Variants in MAP3K5 observed in about 807,000 individuals in gnomAD.
MAP3K5 encodes the protein mitogen-activated protein kinase kinase kinase 5, also known as ASK-1.
In MAP3K5, 56 loss-of-function variants were observed where a neutral mutation model predicts 158.7. That is an observed-to-expected ratio of 0.35 (90% CI 0.28 to 0.44). The LOEUF is 0.44. Ranked by LOEUF, MAP3K5 falls within the 20% of genes least tolerant of loss-of-function variation. MAP3K5 has a pLI of 1.00. For synonymous variants in MAP3K5, 579 were observed against 601.7 expected (o/e 0.96, Z 0.55); for missense variants, 1,294 against 1,674.8 (o/e 0.77, Z 3.97).
At chr6:136,570,617 T>C (rs1774320384) in intron 25 of MAP3K5, among the ~76,000 whole-genome samples, 1 of 152,216 alleles carries the variant, frequency 6.6e-6, no homozygotes, top group Non-Finnish European at 1.5e-5. Context: ...GACCTGGCTT[T>C]CTTTATCCCT....
chr6:136,786,312 G>C (rs1784840750), intron 1 of MAP3K5, among the ~76,000 whole-genome samples: 1 of 148,482 alleles, frequency 6.7e-6, no homozygotes, highest in Non-Finnish European at 1.5e-5. Context: ...CCAGGAAGCA[G>C]AGGTTGCAGT....
intron 1 of MAP3K5, among the ~76,000 whole-genome samples, chr6:136,771,229 T>C (rs553108498): frequency 1.4e-3 from 215 of 152,272 alleles, no homozygotes; most frequent in Admixed American, 2.4e-3. Context: ...CCTAGCTGAT[T>C]TCCCCCTACT....
At chr6:136,559,730 C>T (rs1189183600) in intron 28 of MAP3K5, among the ~76,000 whole-genome samples, 1 of 152,104 alleles carries the variant, frequency 6.6e-6, no homozygotes, top group African/African-American at 2.4e-5. Context: ...GAGACAGTCT[C>T]ACTATATTGA....
intron 12 of MAP3K5, among the ~76,000 whole-genome samples, chr6:136,642,055 TAA>T (rs1175810977): frequency 1.5e-5 from 2 of 136,956 alleles, no homozygotes; most frequent in South Asian, 2.1e-4. Flanking sequence ...TAAAATAAAA[TAA>T]AATAAAATAA....
Position 136,592,531 on chromosome 6 carries a change from C to G in MAP3K5, c.2962G>C (p.Asp988His), listed in dbSNP as rs201678646. ...AAGGGGTCCACTTTCAACTCCGTGT[C>G]GGGTGAAACTGAGCCGTACTCACTG... is the stretch of plus-strand genomic sequence containing the variant. The part of the protein sequence containing the change: ...SSSEYGSVSP[D>H]TELKVDPFSF... The change falls in exon 22 of 30, where the codon GAC (aspartate) becomes CAC (histidine). Residue 988 changes from aspartate (D) to histidine (H), a missense_variant. Asp to His is a moderately conservative substitution (Grantham distance 81). Coordinates refer to ENST00000359015, the MANE Select transcript of MAP3K5 (RefSeq NM_005923.4). 2.5e-6 allele frequency: 4 copies of G among 1,613,908 alleles called. No individual in the cohort carries two copies. In the South Asian group the frequency reaches 4.4e-5, roughly 18 times the overall value.
intron 25 of MAP3K5, among the ~76,000 whole-genome samples, chr6:136,574,822 T>C (rs1282783279): frequency 6.6e-6 from 1 of 151,056 alleles, no homozygotes; most frequent in Non-Finnish European, 1.5e-5. Flanking sequence ...CCCACGTAGC[T>C]GGGACTACAG....
intron 14 of MAP3K5, among the ~76,000 whole-genome samples, chr6:136,633,335 T>C (rs1342440045): frequency 2.6e-5 from 4 of 151,610 alleles, no homozygotes; most frequent in Non-Finnish European, 5.9e-5. Flanking sequence ...GGGGTGGAGG[T>C]TGCAGTAAGC....
chr6:136,732,154 G>A (rs993443543), intron 1 of MAP3K5, among the ~76,000 whole-genome samples: 1 of 152,216 alleles, frequency 6.6e-6, no homozygotes, highest in Non-Finnish European at 1.5e-5. Context: ...ACCAGGCGCA[G>A]TGGCTCACGT....
chr6:136,591,898 A>T (rs950593742), intron 23 of MAP3K5, among the ~76,000 whole-genome samples: 1 of 152,238 alleles, frequency 6.6e-6, no homozygotes, highest in Non-Finnish European at 1.5e-5. Context: ...AGAGGCTTGT[A>T]GGGGCTATTT....
In MAP3K5 at chr6:136,642,237, G is replaced by A. The variant is rs528385912; in HGVS notation, c.1838+283C>T. On this transcript the variant is annotated intron_variant, in intron 12 of 29. Coordinates refer to ENST00000359015, the MANE Select transcript of MAP3K5 (RefSeq NM_005923.4). ...AGCTAAAGAGGACCTCCACATGGCTGAGTGTAATCTACATTTTGATTCTGG... is the reference window on the plus strand; with the variant it reads ...AGCTAAAGAGGACCTCCACATGGCTAAGTGTAATCTACATTTTGATTCTGG... Among the ~76,000 whole-genome samples, 13 of 152,150 alleles carry A rather than the reference G, an allele frequency of 8.5e-5. No homozygotes were observed. In the East Asian group the frequency reaches 2.1e-3, roughly 25 times the overall value.
chr6:136,643,901 A>AAG (rs1554291300), intron 11 of MAP3K5, among the ~76,000 whole-genome samples: 1 of 148,640 alleles, frequency 6.7e-6, no homozygotes, highest in Non-Finnish European at 1.5e-5. Context: ...TGAACTTCTA[A>AAG]ATATATATAT....
intron 1 of MAP3K5, among the ~76,000 whole-genome samples, chr6:136,789,573 C>A (rs1784982834): frequency 6.6e-6 from 1 of 151,140 alleles, no homozygotes; most frequent in Non-Finnish European, 1.5e-5. Context: ...CTGGTAAGAT[C>A]TTTGCCAGCT....
Position 136,655,511 on chromosome 6 carries a change from T to C in MAP3K5, c.1680+796A>G, listed in dbSNP as rs927914172. Among the ~76,000 whole-genome samples the C allele has an allele frequency of 1.4e-4, 22 of 152,156 alleles. 1 individual carries two copies. The South Asian group carries it at 2.5e-3, about 17-fold the overall frequency. On this transcript the variant is annotated intron_variant, in intron 10 of 29. Transcript: ENST00000359015. ...AGAAAACAAGATTTCACAAAAAGAA[T>C]TGAGAACTGTCACCGCCTCTAAGTA...
intron 7 of MAP3K5, among the ~76,000 whole-genome samples, chr6:136,672,989 C>CAAAAAAA (rs538682132): frequency 2.4e-5 from 2 of 83,938 alleles, no homozygotes; most frequent in African/African-American, 3.8e-5. Flanking sequence ...GACTCTATCT[C>CAAAAAAA]AAAAAAAAAA....
intron 7 of MAP3K5, among the ~76,000 whole-genome samples, chr6:136,675,287 C>T (rs1281588535): frequency 6.6e-6 from 1 of 151,912 alleles, no homozygotes; most frequent in African/African-American, 2.4e-5. Context: ...AACAAACAGA[C>T]AAAAATTATC....
chr6:136,783,316 CAG>C (rs1195419597), intron 1 of MAP3K5, among the ~76,000 whole-genome samples: 2 of 134,768 alleles, frequency 1.5e-5, no homozygotes, highest in African/African-American at 2.6e-5. Context: ...ACCAATATAT[CAG>C]AGTCACCAAT....
chr6:136,708,970 T>C (rs769218301), intron 2 of MAP3K5, among the ~76,000 whole-genome samples: 1 of 152,192 alleles, frequency 6.6e-6, no homozygotes, highest in Non-Finnish European at 1.5e-5. Context: ...CTCTGTGCAA[T>C]GTATAAGAAA....
chr6:136,782,053 T>TG (rs201717145), intron 1 of MAP3K5, among the ~76,000 whole-genome samples: 3,007 of 132,026 alleles, frequency 0.023, 41 homozygotes, highest in Non-Finnish European at 0.034. Flanking sequence ...CTGTCTCTAC[T>TG]GGAAAAAAAA....
intron 23 of MAP3K5, among the ~76,000 whole-genome samples, chr6:136,589,457 A>G (rs1168171801): frequency 1.3e-5 from 2 of 151,946 alleles, no homozygotes; most frequent in Non-Finnish European, 2.9e-5. Context: ...AGGGAAATCC[A>G]TTTTTCTCCT....
Sources: gnomAD v4.1 joint callset for allele counts (sites outside exome capture counted in the v4.1 genomes callset) on GRCh38, gnomAD v4.1.1 for gene constraint, MANE v1.5 for transcripts, NCBI Gene and HGNC (gene_info 2026-07-23, HGNC 2026-07-21) for gene names.